RP1: variants seen among roughly 807,000 people sequenced by gnomAD.
RP1 encodes the protein RP1 axonemal microtubule associated.
Under a neutral mutation model 14.8 loss-of-function variants are expected in RP1, and 16 were observed. The ratio of observed to expected loss-of-function variants is 1.08; its 90% CI spans 0.73 to 1.65. The LOEUF is 1.65. Ranked by LOEUF, RP1 falls within the 40% of genes most tolerant of loss-of-function variation. The probability of loss-of-function intolerance (pLI) is 0.00; values close to 1 mark genes in which losing one functional copy is unlikely to be tolerated. For synonymous variants in RP1, 876 were observed against 883.6 expected, an observed-to-expected ratio of 0.99 and a Z score of 0.15; for missense variants, 2,631 against 2,535.0, an observed-to-expected ratio of 1.04 and a Z score of -0.81.
At chr8:54,683,095 G>A (rs1007759976) in intron 12 of RP1, among the ~76,000 whole-genome samples, 1 of 152,158 alleles carries the variant, frequency 6.6e-6, no homozygotes, top group Non-Finnish European at 1.5e-5. Flanking sequence ...GTTAGTCAAA[G>A]ATCAGATGGC....
At chr8:54,606,371 C>T (rs946230538) in intron 1 of RP1, among the ~76,000 whole-genome samples, 10 of 151,676 alleles carry the variant, frequency 6.6e-5, no homozygotes, top group Non-Finnish European at 1.2e-4. Flanking sequence ...AATATTGGCC[C>T]CCACTCTCTT....
chr8:54,842,904 C>T (rs910959049), intron 25 of RP1, among the ~76,000 whole-genome samples: 1 of 152,158 alleles, frequency 6.6e-6, no homozygotes, highest in Non-Finnish European at 1.5e-5. Flanking sequence ...CTTGCCCAGG[C>T]CTCTGCATGG....
intron 13 of RP1, among the ~76,000 whole-genome samples, chr8:54,700,272 G>C (rs144546221): frequency 6.6e-6 from 1 of 151,562 alleles, no homozygotes; most frequent in Non-Finnish European, 1.5e-5. Flanking sequence ...CAGTTGGCAT[G>C]ATCAGAACTC....
At chr8:54,619,222 G>A (rs1454030978) in intron 1 of RP1, among the ~76,000 whole-genome samples, 1 of 152,136 alleles carries the variant, frequency 6.6e-6, no homozygotes, top group Non-Finnish European at 1.5e-5. Context: ...TAATTTCTAG[G>A]CTGATCTTCA....
At chr8:54,817,870 G>A (rs111452173) in intron 24 of RP1, among the ~76,000 whole-genome samples, 2 of 152,274 alleles carry the variant, frequency 1.3e-5, no homozygotes, top group African/African-American at 4.8e-5. Flanking sequence ...GTATTGCAAA[G>A]TTCCACTAGC....
At chr8:54,724,012 A>C (rs1166400800) in intron 16 of RP1, among the ~76,000 whole-genome samples, 1 of 152,140 alleles carries the variant, frequency 6.6e-6, no homozygotes, top group Non-Finnish European at 1.5e-5. Context: ...TATGGTTCAG[A>C]TGTTACTTTT....
In RP1 at chr8:54,824,966, T is replaced by A. The variant is rs796991458; in HGVS notation, c.3616-12484T>A. 2.4e-3 allele frequency among the ~76,000 whole-genome samples: 359 copies of A among 151,622 alleles called. 1 individual carries two copies. Among genetic ancestry groups the A allele is most frequent in the Non-Finnish European group, 4.1e-3 (276 of 67,876 alleles). On this transcript the variant is annotated intron_variant, in intron 24 of 28. Transcript: ENST00000637698. Reference sequence around the variant, plus strand: ...AACACTATTCTTTTTCTTTCTTTTTTTTTTTTAATTTATTTATGAGATGGA... The same window carrying A: ...AACACTATTCTTTTTCTTTCTTTTTATTTTTTAATTTATTTATGAGATGGA...
At chr8:54,580,589 G>A (rs1036490421) in intron 1 of RP1, among the ~76,000 whole-genome samples, 2 of 151,956 alleles carry the variant, frequency 1.3e-5, no homozygotes, top group South Asian at 2.1e-4. Context: ...ACAGGCGTGA[G>A]CCACTGTGCC....
At chr8:54,702,395 C>G (rs1424469466) in intron 14 of RP1, among the ~76,000 whole-genome samples, 1 of 152,100 alleles carries the variant, frequency 6.6e-6, no homozygotes, top group Non-Finnish European at 1.5e-5. Context: ...CCTGAGTTTT[C>G]CAGTGCCTGT....
chr8:54,591,125 C>T (rs11777445), intron 1 of RP1, among the ~76,000 whole-genome samples: 30,507 of 152,158 alleles, frequency 0.2, 3,525 homozygotes, highest in East Asian at 0.36. Context: ...AGCAAGGCTC[C>T]TACCTCTACT....
chr8:54,637,339 A>G lies in RP1; in HGVS notation c.788-11646A>G, dbSNP rs187710995. On this transcript the variant is annotated intron_variant, in intron 3 of 22. Transcript: ENST00000636932. ...GACAAGTCTCTGCATACAGCTGACC[A>G]CCTAGGCATTAAGAGCCAGAACCAC... Among the ~76,000 whole-genome samples the G allele has an allele frequency of 4.3e-4, 66 of 152,318 alleles. 1 individual carries two copies. The East Asian group carries it at 8.9e-3, about 21-fold the overall frequency.
At chr8:54,796,994 G>T (rs1179630786) in intron 24 of RP1, among the ~76,000 whole-genome samples, 1 of 152,194 alleles carries the variant, frequency 6.6e-6, no homozygotes, top group African/African-American at 2.4e-5. Context: ...AAGAGAAATG[G>T]TGGTTCTGGA....
chr8:54,786,098 C>T (rs1018513725), intron 24 of RP1, among the ~76,000 whole-genome samples: 3 of 151,918 alleles, frequency 2.0e-5, no homozygotes, highest in Non-Finnish European at 4.4e-5. Context: ...TTTTAACTTC[C>T]TTGCTGGTAT....
At chr8:54,857,968 T>C (rs1017734291) in intron 27 of RP1, among the ~76,000 whole-genome samples, 4 of 152,200 alleles carry the variant, frequency 2.6e-5, no homozygotes, top group Non-Finnish European at 5.9e-5. Flanking sequence ...ATTTATCACA[T>C]TGATTTCCAT....
At chr8:54,774,346 A>C (rs915480139), downstream of RP1, among the ~76,000 whole-genome samples, 1 of 152,206 alleles carries the variant, frequency 6.6e-6, no homozygotes, top group African/African-American at 2.4e-5. Context: ...AACCATCTTC[A>C]GGATTGCTTC....
intron 17 of RP1, among the ~76,000 whole-genome samples, chr8:54,730,133 ATAATCC>A (rs1438150095): frequency 2.6e-5 from 4 of 152,104 alleles, no homozygotes; most frequent in Non-Finnish European, 5.9e-5. Flanking sequence ...TCCATTTCAG[ATAATCC>A]TAATCACTTG....
chr8:54,618,881 G>C (rs1360284101), intron 1 of RP1, among the ~76,000 whole-genome samples: 1 of 152,138 alleles, frequency 6.6e-6, no homozygotes, highest in Non-Finnish European at 1.5e-5. Context: ...GGCTGGTCTT[G>C]AACTCCTAAC....
At chr8:54,869,881 G>A (rs1038379055) in exon 29 of RP1, 109 of 1,231,918 alleles carry the variant, frequency 8.8e-5, no homozygotes, top group Middle Eastern at 3.1e-4. Flanking sequence ...AAGACCCAGC[G>A]GGAATTGCTC....
At chr8:54,855,702 C>T (rs1446144256) in intron 26 of RP1, among the ~76,000 whole-genome samples, 1 of 152,084 alleles carries the variant, frequency 6.6e-6, no homozygotes, top group African/African-American at 2.4e-5. Flanking sequence ...GTGTGCTCTA[C>T]AAAAGAGGGT....
Sources: allele counts gnomAD v4.1 joint callset (sites outside exome capture counted in the v4.1 genomes callset), GRCh38; gene constraint gnomAD v4.1.1; transcripts MANE v1.5; gene names NCBI Gene and HGNC (gene_info 2026-07-23, HGNC 2026-07-21).